The following TIMP2 variants were observed in gnomAD, a reference collection of about 807,000 sequenced individuals.
TIMP2 encodes the protein metalloproteinase inhibitor 2.
A neutral mutation model predicts 24.3 loss-of-function variants in TIMP2; 5 were observed. The ratio of observed to expected loss-of-function variants is 0.21; its 90% CI spans 0.11 to 0.43. TIMP2 has a LOEUF of 0.43. Ranked by LOEUF, TIMP2 falls within the 20% of genes least tolerant of loss-of-function variation. The pLI is 1.00. For synonymous variants in TIMP2, 130 were observed against 123.2 expected (o/e 1.06, Z -0.37); for missense variants, 221 against 297.5 (o/e 0.74, Z 1.89).
chr17:78,873,147 G>A (rs1016143647), intron 2 of TIMP2, among the ~76,000 whole-genome samples: 3 of 151,882 alleles, frequency 2.0e-5, no homozygotes, highest in Non-Finnish European at 4.4e-5. Flanking sequence ...ATTAAATATC[G>A]ATGACTACAA....
chr17:78,874,501 T>C (rs902293160), intron 1 of TIMP2, among the ~76,000 whole-genome samples: 3 of 152,120 alleles, frequency 2.0e-5, no homozygotes, highest in Non-Finnish European at 4.4e-5. Flanking sequence ...ATATTTAGCT[T>C]TGGGGGTCTT....
intron 1 of TIMP2, among the ~76,000 whole-genome samples, chr17:78,890,072 C>A (rs1291068232): frequency 6.6e-6 from 1 of 152,140 alleles, no homozygotes; most frequent in Non-Finnish European, 1.5e-5. Context: ...GTCGAGACTG[C>A]ACCACTGCAC....
At chr17:78,880,788 C>T (rs2069772833) in intron 1 of TIMP2, among the ~76,000 whole-genome samples, 2 of 152,334 alleles carry the variant, frequency 1.3e-5, no homozygotes, top group South Asian at 2.1e-4. Flanking sequence ...CCCAACTGCT[C>T]GCTGGAGGAA....
intron 1 of TIMP2, among the ~76,000 whole-genome samples, chr17:78,875,678 T>C (rs2069721778): frequency 6.6e-6 from 1 of 151,884 alleles, no homozygotes; most frequent in African/African-American, 2.4e-5. Flanking sequence ...AACAGAGAGG[T>C]AAGGAGCAGA....
chr17:78,922,741 C>G (rs1401855727), intron 1 of TIMP2, among the ~76,000 whole-genome samples: 2 of 152,120 alleles, frequency 1.3e-5, no homozygotes, highest in Non-Finnish European at 2.9e-5. Context: ...ATTGCTCGAA[C>G]CCAGGAGGCG....
intron 1 of TIMP2, among the ~76,000 whole-genome samples, chr17:78,910,879 G>A (rs1263405704): frequency 1.3e-5 from 2 of 152,162 alleles, no homozygotes; most frequent in East Asian, 3.8e-4. Context: ...GGACACTGAG[G>A]TTGATTCCAT....
Position 78,887,103 on chromosome 17 carries a change from CA to C in TIMP2, c.131-13185del, listed in dbSNP as rs201212617. On this transcript the variant is annotated intron_variant, in intron 1 of 4. Transcript: ENST00000262768. Reference sequence around the variant, plus strand: ...TACTAATGATTAAAGAACCCAAAAGCAAAAACAAAAGAGTCTTGTGGGATGC... The same window carrying C: ...TACTAATGATTAAAGAACCCAAAAGCAAAACAAAAGAGTCTTGTGGGATGC... Among the ~76,000 whole-genome samples the C allele has an allele frequency of 2.1e-3, 317 of 152,282 alleles. 6 individuals carry two copies. In the East Asian group the frequency reaches 0.052, roughly 25 times the overall value.
At chr17:78,859,743 G>A (rs941613240) in intron 3 of TIMP2, among the ~76,000 whole-genome samples, 6 of 152,092 alleles carry the variant, frequency 3.9e-5, no homozygotes, top group Non-Finnish European at 7.4e-5. Flanking sequence ...TGTAATCCCA[G>A]TACTTTGGGA....
At chr17:78,919,094 A>G (rs2070288176) in intron 1 of TIMP2, among the ~76,000 whole-genome samples, 1 of 152,244 alleles carries the variant, frequency 6.6e-6, no homozygotes, top group African/African-American at 2.4e-5. Context: ...CGACTGGTCT[A>G]TGCCAACTTT....
At chr17:78,911,529 G>A (rs2070207193) in intron 1 of TIMP2, among the ~76,000 whole-genome samples, 1 of 152,116 alleles carries the variant, frequency 6.6e-6, no homozygotes, top group South Asian at 2.1e-4. Context: ...CTGGGTTCAA[G>A]TGATTCTCCT....
intron 3 of TIMP2, 59 bp from the exon 4 acceptor site, chr17:78,857,705 G>A (rs2069535749): frequency 1.2e-6 from 2 of 1,608,760 alleles, no homozygotes; most frequent in Middle Eastern, 1.9e-4. Context: ...CTCCTGCCCA[G>A]CTCCTCCACC....
At chr17:78,912,931 A>C (rs1040782552) in intron 1 of TIMP2, among the ~76,000 whole-genome samples, 7 of 152,182 alleles carry the variant, frequency 4.6e-5, no homozygotes, top group African/African-American at 1.7e-4. Flanking sequence ...TAGGCCAGGC[A>C]CCGTGGCACA....
intron 2 of TIMP2, among the ~76,000 whole-genome samples, chr17:78,873,420 C>T (rs1452571071): frequency 6.6e-6 from 1 of 152,050 alleles, no homozygotes; most frequent in African/African-American, 2.4e-5. Flanking sequence ...CCCACCTCAG[C>T]CTCCCGAATA....
At position 78,925,321 on chromosome 17, in the gene TIMP2, G is replaced by A. The variant is rs1400010865; in HGVS notation, c.-233C>T. On this transcript the variant is annotated 5_prime_UTR_variant, in exon 1 of 5. Coordinates refer to ENST00000262768, the MANE Select transcript of TIMP2 (RefSeq NM_003255.5). ...AATTCGCCGGGCGGGGCGGCGGGGT[G>A]GGGGGCGGCGGGCGAGCGGCGCTGC... 2 of 150,484 alleles carry A rather than the reference G, an allele frequency of 1.3e-5. No individual in the cohort carries two copies. The highest frequency in any genetic ancestry group is 6.6e-5 in the Admixed American group (1 of 15,076). The allele number at this position is 150,484 out of a possible 1,614,324, so 9.3% of individuals were successfully genotyped here. A position where few individuals can be genotyped will look rare whatever the true frequency, so the allele number is the denominator to read the frequency against.
intron 1 of TIMP2, chr17:78,890,992 C>A (rs1264840219): frequency 7.7e-6 from 12 of 1,551,218 alleles, no homozygotes; most frequent in Non-Finnish European, 1.0e-5. Context: ...CTGCTTTCTG[C>A]CTTTGCCTGG....
intron 1 of TIMP2, chr17:78,901,920 C>T: frequency 3.2e-6 from 2 of 619,612 alleles, no homozygotes; most frequent in Non-Finnish European, 6.0e-6. Context: ...TAGTGAGACG[C>T]CCATCACTGG....
In TIMP2 at chr17:78,855,830, G is replaced by A; in HGVS notation, c.500C>T (p.Ser167Phe). ...TRCPMIPCYI[S>F]SPDECLWMDW... ...CATCCAGAGGCACTCGTCCGGGGAGGAGATGTAGCACGGGATCATGGGGCA... is the reference window on the plus strand; with the variant it reads ...CATCCAGAGGCACTCGTCCGGGGAGAAGATGTAGCACGGGATCATGGGGCA... Residue 167 changes from serine (S) to phenylalanine (F), a missense_variant, in exon 5 of 5, where the codon TCC becomes TTC. Ser to Phe is a radical substitution (Grantham distance 155). Coordinates refer to ENST00000262768, the MANE Select transcript of TIMP2 (RefSeq NM_003255.5). This position sits in a 1 kb window ranked among gnomAD's most constrained non-coding sequence, Gnocchi z 6.0. 6.2e-7 allele frequency: 1 copy of A among 1,614,128 alleles called. No individual in the cohort carries two copies. The highest frequency in any genetic ancestry group is 8.5e-7 in the Non-Finnish European group (1 of 1,180,008).
intron 1 of TIMP2, chr17:78,892,101 C>A: frequency 6.4e-7 from 1 of 1,551,738 alleles, no homozygotes; most frequent in African/African-American, 1.4e-5. Context: ...AACAGACGTG[C>A]TGACTGCAGC....
chr17:78,882,537 T>C (rs1429880981), intron 1 of TIMP2, among the ~76,000 whole-genome samples: 1 of 152,346 alleles, frequency 6.6e-6, no homozygotes, highest in African/African-American at 2.4e-5. Context: ...ACTAATCTCG[T>C]TGGGCTTCAG....
Sources: gnomAD v4.1 joint callset for allele counts (sites outside exome capture counted in the v4.1 genomes callset) on GRCh38, gnomAD v4.1.1 for gene constraint, Gnocchi (gnomAD v3.1) non-coding constraint, MANE v1.5 for transcripts, NCBI Gene and HGNC (gene_info 2026-07-23, HGNC 2026-07-21) for gene names.